Variants in TMTC2 observed in about 807,000 individuals in gnomAD.
TMTC2 encodes the protein protein O-mannosyl-transferase TMTC2.
A neutral mutation model predicts 82.4 loss-of-function variants in TMTC2; 43 were observed. That is an observed-to-expected ratio of 0.52 (90% CI 0.41 to 0.67). TMTC2 has a LOEUF of 0.67. TMTC2 is among the 30% of genes least tolerant of loss of function. TMTC2 has a pLI of 0.00. For synonymous variants in TMTC2, 408 were observed against 381.9 expected, an observed-to-expected ratio of 1.07 and a Z score of -0.80; for missense variants, 919 against 1,012.4, an observed-to-expected ratio of 0.91 and a Z score of 1.25.
chr12:82,913,391 T>C (rs1874813276), intron 3 of TMTC2, among the ~76,000 whole-genome samples: 1 of 152,192 alleles, frequency 6.6e-6, no homozygotes, highest in African/African-American at 2.4e-5. Flanking sequence ...AGCAGACATT[T>C]ACTTTTGAGG....
chr12:82,994,437 A>G, intron 8 of TMTC2, among the ~76,000 whole-genome samples: 1 of 141,870 alleles, frequency 7.0e-6, no homozygotes, highest in Admixed American at 6.9e-5. Flanking sequence ...CCCGTCTCAC[A>G]CATTTATTGT....
At chr12:82,727,304 T>C (rs1874510868) in intron 1 of TMTC2, among the ~76,000 whole-genome samples, 1 of 152,128 alleles carries the variant, frequency 6.6e-6, no homozygotes, top group Admixed American at 6.6e-5. Context: ...ATCACATATA[T>C]AACCATTTGT....
At chr12:82,890,764 C>T (rs149559673) in intron 2 of TMTC2, among the ~76,000 whole-genome samples, 1 of 152,144 alleles carries the variant, frequency 6.6e-6, no homozygotes, top group Non-Finnish European at 1.5e-5. Context: ...ATGTGTGAAG[C>T]TCCAAGAACA....
At chr12:82,994,190 T>C in intron 8 of TMTC2, among the ~76,000 whole-genome samples, 1 of 152,194 alleles carries the variant, frequency 6.6e-6, no homozygotes, top group South Asian at 2.1e-4. Flanking sequence ...GGGGTCTCGC[T>C]GTATCGCCCC....
chr12:82,725,158 T>A (rs1254457791), intron 1 of TMTC2, among the ~76,000 whole-genome samples: 3 of 152,182 alleles, frequency 2.0e-5, no homozygotes, highest in African/African-American at 7.2e-5. Flanking sequence ...ACAAAAAAAC[T>A]ATCAGTAGAG....
At chr12:83,025,350 G>A (rs1291020715) in intron 8 of TMTC2, among the ~76,000 whole-genome samples, 5 of 150,514 alleles carry the variant, frequency 3.3e-5, no homozygotes, top group African/African-American at 1.2e-4. Context: ...TTACATTAGG[G>A]GAAAAAGTAT....
chr12:83,000,578 C>T (rs1879875235), intron 8 of TMTC2, among the ~76,000 whole-genome samples: 1 of 152,216 alleles, frequency 6.6e-6, no homozygotes, highest in Non-Finnish European at 1.5e-5. Context: ...CTCTTGGCTG[C>T]TTTCATGGGC....
chr12:82,857,362 C>T lies in TMTC2; in HGVS notation c.436C>T (p.Leu146Phe), dbSNP rs1555191556. 3 of 1,614,166 alleles carry T rather than the reference C, an allele frequency of 1.9e-6. No individual in the cohort carries two copies. Among genetic ancestry groups the T allele is most frequent in the South Asian group, 2.2e-5 (2 of 91,070 alleles). The change falls in exon 2 of 12, where the codon CTC becomes TTC. Residue 146 changes from leucine (L) to phenylalanine (F), a missense_variant. Leu to Phe is a conservative substitution (Grantham distance 22, BLOSUM62 0). Coordinates refer to ENST00000321196, the MANE Select transcript of TMTC2 (RefSeq NM_152588.3). ...IVGRADVGAS[L>F]FFLLSLLCYI... ...GGGACGAGCCGATGTCGGGGCCAGT[C>T]TCTTCTTTCTCCTCTCCTTGCTCTG...
At chr12:82,935,840 A>C (rs1202965980) in intron 4 of TMTC2, among the ~76,000 whole-genome samples, 1 of 152,128 alleles carries the variant, frequency 6.6e-6, no homozygotes, top group African/African-American at 2.4e-5. Flanking sequence ...GTGTTGTAAG[A>C]ATCTTAGTAA....
intron 1 of TMTC2, among the ~76,000 whole-genome samples, chr12:82,704,349 T>G (rs949874965): frequency 6.6e-6 from 1 of 152,226 alleles, no homozygotes; most frequent in African/African-American, 2.4e-5. Context: ...TTAAAACTTT[T>G]TCTGAGTAAA....
chr12:82,949,521 G>A (rs1400822937), intron 4 of TMTC2, among the ~76,000 whole-genome samples: 1 of 152,050 alleles, frequency 6.6e-6, no homozygotes, highest in African/African-American at 2.4e-5. Flanking sequence ...TTGTACTTTG[G>A]AGGCAGCTCA....
chr12:82,951,591 G>A (rs2137279874), intron 4 of TMTC2, among the ~76,000 whole-genome samples: 1 of 152,304 alleles, frequency 6.6e-6, no homozygotes, highest in South Asian at 2.1e-4. Context: ...AAAGTGCTAA[G>A]ATTACAGGTG....
At chr12:82,958,372 A>C (rs930862355) in intron 4 of TMTC2, among the ~76,000 whole-genome samples, 3 of 9,640 alleles carry the variant, frequency 3.1e-4, no homozygotes, top group African/African-American at 4.0e-4. Flanking sequence ...AAAAAAAAAC[A>C]AAAAAAACAA....
At chr12:82,723,563 A>C (rs1435861686) in intron 1 of TMTC2, among the ~76,000 whole-genome samples, 1 of 152,222 alleles carries the variant, frequency 6.6e-6, no homozygotes, top group East Asian at 1.9e-4. Flanking sequence ...TCATATACAT[A>C]GATTGAAAGT....
intron 1 of TMTC2, among the ~76,000 whole-genome samples, chr12:82,805,325 AT>A (rs1331869183): frequency 6.6e-6 from 1 of 152,056 alleles, no homozygotes. Context: ...AAGTACTTTG[AT>A]TTCTTTATTA....
intron 11 of TMTC2, among the ~76,000 whole-genome samples, chr12:83,081,274 G>A (rs1461471087): frequency 6.6e-6 from 1 of 152,158 alleles, no homozygotes; most frequent in East Asian, 1.9e-4. Context: ...TGTAACATGT[G>A]ATTACTTTGC....
At chr12:82,799,735 C>T (rs532394795) in intron 1 of TMTC2, among the ~76,000 whole-genome samples, 1 of 152,228 alleles carries the variant, frequency 6.6e-6, no homozygotes, top group South Asian at 2.1e-4. Flanking sequence ...GTCCACATTT[C>T]CCCTTTTTAT....
chr12:82,837,806 T>C (rs1282143802), intron 1 of TMTC2, among the ~76,000 whole-genome samples: 1 of 152,208 alleles, frequency 6.6e-6, no homozygotes, highest in Non-Finnish European at 1.5e-5. Flanking sequence ...ATTATTCTTT[T>C]AGGATTATCT....
At chr12:82,815,942 T>C (rs1868687153) in intron 1 of TMTC2, among the ~76,000 whole-genome samples, 1 of 152,096 alleles carries the variant, frequency 6.6e-6, no homozygotes, top group Non-Finnish European at 1.5e-5. Flanking sequence ...CCCTCTATTT[T>C]GTAATGCTTC....
Sources: gnomAD v4.1 joint callset for allele counts (sites outside exome capture counted in the v4.1 genomes callset) on GRCh38, gnomAD v4.1.1 for gene constraint, MANE v1.5 for transcripts, NCBI Gene and HGNC (gene_info 2026-07-23, HGNC 2026-07-21) for gene names.